The following ALG5 variants were observed in gnomAD, a reference collection of about 807,000 sequenced individuals.
The protein encoded by ALG5 is dolichyl-phosphate beta-glucosyltransferase.
ALG5 carries 26 observed loss-of-function variants against 51.8 expected under a neutral mutation model. The observed-to-expected ratio is 0.50, with a 90% CI of 0.37 to 0.70. The LOEUF (loss-of-function observed/expected upper bound fraction) is 0.70. ALG5 is among the 30% of genes least tolerant of loss of function. The pLI is 0.00. For synonymous variants in ALG5, 141 were observed against 136.1 expected (o/e 1.04, Z -0.25); for missense variants, 311 against 399.3 (o/e 0.78, Z 1.88).
intron 8 of ALG5, among the ~76,000 whole-genome samples, chr13:36,958,436 T>G (rs1378606657): frequency 6.6e-6 from 1 of 152,126 alleles, no homozygotes; most frequent in East Asian, 1.9e-4. Context: ...CTACAAGTGG[T>G]TCTTCAAATG....
chr13:36,956,625 C>T (rs1336419896), intron 8 of ALG5, among the ~76,000 whole-genome samples: 2 of 152,126 alleles, frequency 1.3e-5, no homozygotes, highest in African/African-American at 2.4e-5. Flanking sequence ...GGTATATGTA[C>T]ACAATGAAAT....
At chr13:36,952,415 C>A in intron 9 of ALG5, 99 bp downstream of exon 9, 1 of 786,592 alleles carries the variant, frequency 1.3e-6, no homozygotes, top group East Asian at 3.0e-5. Flanking sequence ...CTGAGAAGGG[C>A]TTGATGAGGG....
At chr13:36,971,929 ATAAAAGCCAAT>A in intron 7 of ALG5, 37 bp downstream of exon 7, 1 of 1,467,170 alleles carries the variant, frequency 6.8e-7, no homozygotes, top group Non-Finnish European at 9.4e-7. Flanking sequence ...AAAAAAAGAA[ATAAAAGCCAAT>A]TAATTGGCTG....
At chr13:36,950,116 T>C in intron 9 of ALG5, 59 bp from the exon 10 acceptor site, 2 of 1,134,176 alleles carry the variant, frequency 1.8e-6, no homozygotes, top group Non-Finnish European at 2.6e-6. Context: ...AGAAAACGTA[T>C]CAGTTTAAAG....
intron 2 of ALG5, 29 bp from the exon 3 acceptor site, chr13:36,995,064 C>T (rs1041821351): frequency 6.3e-7 from 1 of 1,593,540 alleles, no homozygotes; most frequent in African/African-American, 1.3e-5. Flanking sequence ...TTAAAAATCA[C>T]TTTTGAAAAT....
At chr13:36,957,020 G>A (rs1174696635) in intron 8 of ALG5, among the ~76,000 whole-genome samples, 5 of 151,830 alleles carry the variant, frequency 3.3e-5, no homozygotes, top group East Asian at 1.9e-4. Context: ...GCTAGCCACC[G>A]AAGAAGGAAA....
chr13:36,977,790 C>CAAAAAAAAAAAAAAAAAA (rs869027711), intron 6 of ALG5, among the ~76,000 whole-genome samples: 1 of 39,172 alleles, frequency 2.6e-5, no homozygotes, highest in African/African-American at 1.3e-4. Flanking sequence ...AGACTGTCTC[C>CAAAAAAAAAAAAAAAAAA]AAAAAAAAAA....
In ALG5 at chr13:36,999,293, G is replaced by C. The variant is rs776431151; in HGVS notation, c.8C>G (p.Pro3Arg). ...GAGCACCGCCAGCTGCAACAGAAGC[G>C]GAGCCATTCTCCATGCCGTGGCAGC... is the stretch of plus-strand genomic sequence containing the variant. MAPLLLQLAVLGA... is the reference protein window; with the variant it reads MARLLLQLAVLGA... Residue 3 changes from proline to arginine, a missense_variant, in exon 1 of 10, where the codon CCG becomes CGG. Physicochemically the swap from Pro to Arg is moderately radical, Grantham distance 103. Coordinates refer to ENST00000239891, the MANE Select transcript of ALG5 (RefSeq NM_013338.5). 3 of 1,575,532 alleles carry C rather than the reference G, an allele frequency of 1.9e-6. No individual in the cohort carries two copies. Among genetic ancestry groups the C allele is most frequent in the Non-Finnish European group, 2.6e-6 (3 of 1,163,822 alleles).
At chr13:36,991,043 G>A (rs1413763670) in intron 4 of ALG5, among the ~76,000 whole-genome samples, 1 of 152,164 alleles carries the variant, frequency 6.6e-6, no homozygotes, top group Non-Finnish European at 1.5e-5. Context: ...CATCACATAT[G>A]AGTTCCTTAT....
At chr13:36,982,288 C>G (rs549732419) in intron 6 of ALG5, among the ~76,000 whole-genome samples, 38 of 152,278 alleles carry the variant, frequency 2.5e-4, no homozygotes, top group African/African-American at 9.1e-4. Flanking sequence ...CATTTGGTGT[C>G]TAGAGGAACT....
intron 6 of ALG5, among the ~76,000 whole-genome samples, chr13:36,985,398 G>C (rs1343761775): frequency 6.6e-6 from 1 of 152,114 alleles, no homozygotes; most frequent in Non-Finnish European, 1.5e-5. Flanking sequence ...GAAACCAAGA[G>C]AGAGAAATGG....
chr13:36,979,856 C>T (rs567276767), intron 6 of ALG5, among the ~76,000 whole-genome samples: 10 of 151,980 alleles, frequency 6.6e-5, no homozygotes, highest in South Asian at 2.1e-4. Flanking sequence ...AGACCAGCCT[C>T]GGCAACATGG....
At chr13:36,972,058 G>T in intron 6 of ALG5, 22 bp from the exon 7 acceptor site, 1 of 1,549,702 alleles carries the variant, frequency 6.5e-7, no homozygotes, top group Non-Finnish European at 8.8e-7. Flanking sequence ...AGCAGAGATA[G>T]TTTTTCAATA....
chr13:36,971,649 C>CAAAAAAA (rs35424140), intron 7 of ALG5, among the ~76,000 whole-genome samples: 4 of 50,674 alleles, frequency 7.9e-5, no homozygotes, highest in African/African-American at 1.7e-4. Context: ...ACTCCGTCTC[C>CAAAAAAA]AAAAAAAAAA....
intron 1 of ALG5, 125 bp from the exon 2 acceptor site, chr13:36,995,721 A>T (rs925381537): frequency 1.9e-5 from 17 of 916,724 alleles, no homozygotes; most frequent in Non-Finnish European, 2.4e-5. Context: ...GTTTTAGTTC[A>T]TTAACAATGG....
intron 8 of ALG5, among the ~76,000 whole-genome samples, chr13:36,964,662 G>A (rs1175831410): frequency 6.6e-6 from 1 of 152,158 alleles, no homozygotes; most frequent in Non-Finnish European, 1.5e-5. Flanking sequence ...AGTAGACTGG[G>A]TGCAGTGGCT....
intron 2 of ALG5, 50 bp from the exon 3 acceptor site, chr13:36,995,085 G>T: frequency 6.6e-7 from 1 of 1,510,290 alleles, no homozygotes; most frequent in Non-Finnish European, 9.2e-7. Flanking sequence ...GATTTTCCAA[G>T]CCCGGCACAT....
intron 7 of ALG5, chr13:36,968,165 A>C (rs1459032939): frequency 5.9e-6 from 1 of 170,236 alleles, no homozygotes; most frequent in Non-Finnish European, 1.3e-5. Flanking sequence ...AGATACCTAA[A>C]ATATAGGATA....
intron 9 of ALG5, among the ~76,000 whole-genome samples, chr13:36,952,031 C>A (rs1482681447): frequency 6.6e-6 from 1 of 152,168 alleles, no homozygotes; most frequent in Non-Finnish European, 1.5e-5. Flanking sequence ...AGGTGATCCA[C>A]CCCCTCGGTC....
Sources: gnomAD v4.1 joint callset for allele counts (sites outside exome capture counted in the v4.1 genomes callset) on GRCh38, gnomAD v4.1.1 for gene constraint, MANE v1.5 for transcripts, NCBI Gene and HGNC (gene_info 2026-07-23, HGNC 2026-07-21) for gene names.